SEC14L5: variants seen among roughly 807,000 people sequenced by gnomAD.
SEC14L5 encodes SEC14-like protein 5.
A neutral mutation model predicts 84.6 loss-of-function variants in SEC14L5; 96 were observed. The observed-to-expected ratio is 1.13, with a 90% CI of 0.96 to 1.34. The LOEUF is 1.34. Ranked by LOEUF, SEC14L5 falls within the 40% of genes most tolerant of loss-of-function variation. The pLI is 0.00. For missense variants in SEC14L5, 1,224 were observed against 942.5 expected (o/e 1.30, Z -3.91); for synonymous variants, 546 against 383.4 (o/e 1.42, Z -4.95).
At chr16:4,982,285 C>G (rs1955433457) in intron 2 of SEC14L5, among the ~76,000 whole-genome samples, 1 of 152,168 alleles carries the variant, frequency 6.6e-6, no homozygotes, top group South Asian at 2.1e-4. Flanking sequence ...GATGCCGGCA[C>G]TATTTTTGGA....
At chr16:4,984,642 A>G (rs1955465344) in intron 2 of SEC14L5, among the ~76,000 whole-genome samples, 1 of 152,194 alleles carries the variant, frequency 6.6e-6, no homozygotes, top group South Asian at 2.1e-4. Flanking sequence ...ATCATATTAC[A>G]TACACGTGGG....
chr16:4,995,876 G>T (rs560756043), intron 6 of SEC14L5, among the ~76,000 whole-genome samples: 2 of 152,000 alleles, frequency 1.3e-5, no homozygotes, highest in Non-Finnish European at 2.9e-5. Flanking sequence ...TCTGCCTGCC[G>T]TGGGCTCCCA....
intron 2 of SEC14L5, among the ~76,000 whole-genome samples, chr16:4,959,669 C>T (rs1210491916): frequency 6.6e-6 from 1 of 152,188 alleles, no homozygotes; most frequent in African/African-American, 2.4e-5. Flanking sequence ...GTATCAGGGG[C>T]CAAGCCACTG....
chr16:5,009,119 C>G (rs1271654058), intron 14 of SEC14L5, among the ~76,000 whole-genome samples: 1 of 152,196 alleles, frequency 6.6e-6, no homozygotes, highest in Non-Finnish European at 1.5e-5. Context: ...GGGGTTCATT[C>G]TATGCCTCTG....
At chr16:4,959,197 C>A (rs895389183) in intron 1 of SEC14L5, 76 bp from the exon 2 acceptor site, 4 of 723,566 alleles carry the variant, frequency 5.5e-6, no homozygotes, top group African/African-American at 5.2e-5. Flanking sequence ...CCAGGGGCTG[C>A]CCCTTACACT....
chr16:4,958,804 C>G (rs573589235), intron 1 of SEC14L5, among the ~76,000 whole-genome samples: 2 of 152,090 alleles, frequency 1.3e-5, no homozygotes, highest in South Asian at 4.2e-4. Context: ...AGAGACAGTG[C>G]CTGTGAAATG....
At chr16:5,007,314 C>G in intron 12 of SEC14L5, 38 bp from the exon 13 acceptor site, 3 of 1,602,742 alleles carry the variant, frequency 1.9e-6, no homozygotes, top group East Asian at 2.2e-5. Flanking sequence ...CAGGCCTCAA[C>G]TGGCCCTGAC....
intron 12 of SEC14L5, 126 bp downstream of exon 12, chr16:5,006,174 T>A: frequency 2.1e-6 from 2 of 939,546 alleles, no homozygotes; most frequent in Non-Finnish European, 1.6e-6. Context: ...GCACTCTGCC[T>A]AGGGCAGGTC....
chr16:5,010,728 C>T (rs1955789827), intron 14 of SEC14L5, among the ~76,000 whole-genome samples: 2 of 152,172 alleles, frequency 1.3e-5, no homozygotes, highest in African/African-American at 4.8e-5. Flanking sequence ...TCTCTAAGCA[C>T]CTGTGAGCTC....
Position 4,992,120 on chromosome 16 carries a change from T to C in SEC14L5, c.667+90T>C. 3.4e-6 allele frequency: 3 copies of C among 889,300 alleles called. No individual in the cohort carries two copies. The South Asian group carries it at 5.6e-5, about 16-fold the overall frequency. The allele number at this position is 889,300 out of a possible 1,614,324, so 55.1% of individuals were successfully genotyped here. A position where few individuals can be genotyped will look rare whatever the true frequency, so the allele number is the denominator to read the frequency against. ...GGGCCCTGGGGCATGTTGGGGAGAA[T>C]TGCCTGCCGTCCCCCCTGGGAATGG... On this transcript the variant is annotated intron_variant, in intron 6 of 15. Transcript: ENST00000251170.
intron 14 of SEC14L5, among the ~76,000 whole-genome samples, chr16:5,009,727 A>T (rs1202946446): frequency 1.3e-5 from 2 of 152,096 alleles, no homozygotes; most frequent in Non-Finnish European, 2.9e-5. Flanking sequence ...AACCCACTGC[A>T]TTAACTCAAG....
chr16:5,008,691 TGA>T (rs1568151812), intron 14 of SEC14L5, 43 bp downstream of exon 14: 9 of 1,530,386 alleles, frequency 5.9e-6, no homozygotes, highest in Non-Finnish European at 8.1e-6. Flanking sequence ...CAAGCAGCAC[TGA>T]GTGTCCACTG....
intron 2 of SEC14L5, among the ~76,000 whole-genome samples, chr16:4,967,800 T>A (rs1280452698): frequency 6.6e-6 from 1 of 150,744 alleles, no homozygotes; most frequent in Non-Finnish European, 1.5e-5. Flanking sequence ...CTCCAACTCC[T>A]GACCTCAAGT....
intron 11 of SEC14L5, 34 bp from the exon 12 acceptor site, chr16:5,005,880 A>AAAAC: frequency 1.3e-6 from 2 of 1,512,070 alleles, no homozygotes; most frequent in Non-Finnish European, 8.8e-7. Flanking sequence ...AAAAAAAAAA[A>AAAAC]AACCATCCAT....
intron 13 of SEC14L5, 92 bp downstream of exon 13, chr16:5,007,578 C>G (rs1955745860): frequency 1.2e-6 from 1 of 811,632 alleles, no homozygotes; most frequent in East Asian, 2.8e-5. Flanking sequence ...GATGAGGATT[C>G]TTTTTTCTTT....
Position 5,011,204 on chromosome 16 carries a change from C to A in SEC14L5, c.1910C>A (p.Ala637Asp). The change falls in exon 15 of 16, where the codon GCT (alanine) becomes GAT (aspartate). Residue 637 changes from alanine (A) to aspartate (D), a missense_variant. Ala to Asp is a moderately radical substitution (Grantham distance 126, BLOSUM62 -2). Transcript: ENST00000251170. ...SLPGVDDVLT[A>D]LHSPGPKCKL... ...CCGGGTGTGGACGATGTCCTGACGG[C>A]TCTGCACAGCCCCGGGCCCAAGTGC... 1 of 1,613,838 alleles carries A rather than the reference C, an allele frequency of 6.2e-7. No individual in the cohort carries two copies. Among genetic ancestry groups the A allele is most frequent in the Non-Finnish European group, 8.5e-7 (1 of 1,179,872 alleles).
intron 4 of SEC14L5, among the ~76,000 whole-genome samples, chr16:4,990,312 A>G (rs1955539118): frequency 6.6e-6 from 1 of 152,000 alleles, no homozygotes; most frequent in African/African-American, 2.4e-5. Context: ...ACAGGCACCC[A>G]CCACCATCTC....
At chr16:4,961,475 C>T (rs566309837) in intron 2 of SEC14L5, among the ~76,000 whole-genome samples, 1 of 152,118 alleles carries the variant, frequency 6.6e-6, no homozygotes, top group Admixed American at 6.5e-5. Flanking sequence ...ATTACAGATG[C>T]ACACCACCAT....
At chr16:4,995,691 A>G (rs930779783) in intron 6 of SEC14L5, among the ~76,000 whole-genome samples, 1 of 147,688 alleles carries the variant, frequency 6.8e-6, no homozygotes, top group Non-Finnish European at 1.5e-5. Context: ...CAGTGGTGCA[A>G]TCTTGGCTCA....
Sources: allele counts gnomAD v4.1 joint callset (sites outside exome capture counted in the v4.1 genomes callset), GRCh38; gene constraint gnomAD v4.1.1; transcripts MANE v1.5; gene names NCBI Gene and HGNC (gene_info 2026-07-23, HGNC 2026-07-21).